Variants in NDUFB9 observed in about 807,000 individuals in gnomAD.
The protein encoded by NDUFB9 is NADH:ubiquinone oxidoreductase subunit B9.
Under a neutral mutation model 30.2 loss-of-function variants are expected in NDUFB9, and 24 were observed. That is an observed-to-expected ratio of 0.80 (90% CI 0.58 to 1.12). NDUFB9 has a LOEUF of 1.12. Among genes scored for constraint, NDUFB9 ranks in the 50% most tolerant of loss-of-function variants. The pLI is 0.00. For missense variants in NDUFB9, 204 were observed against 226.0 expected (o/e 0.90, Z 0.62); for synonymous variants, 80 against 84.0 (o/e 0.95, Z 0.26).
intron 2 of NDUFB9, 105 bp downstream of exon 2, chr8:124,543,384 AC>A (rs1277783609): frequency 8.4e-7 from 1 of 1,186,004 alleles, no homozygotes; most frequent in African/African-American, 1.5e-5. Context: ...TAGCTAGGAG[AC>A]TTATTTCCTG....
chr8:124,547,181 C>T (rs746538746), intron 3 of NDUFB9, 68 bp downstream of exon 3: 134 of 1,162,694 alleles, frequency 1.2e-4, no homozygotes, highest in Middle Eastern at 3.8e-4. Context: ...TCCCCACAAG[C>T]AGAGGTCCAG....
chr8:124,539,396 G>A (rs1207195399), intron 1 of NDUFB9, 109 bp downstream of exon 1: 3 of 973,714 alleles, frequency 3.1e-6, no homozygotes, highest in Non-Finnish European at 4.9e-6. Flanking sequence ...GGAATTGGAA[G>A]GTGGCCTCTC....
At position 124,543,188 on chromosome 8, in the gene NDUFB9, A is replaced by C. The variant is rs1822066077; in HGVS notation, c.203A>C (p.Glu68Ala). 2 of 1,614,242 alleles carry C rather than the reference A, an allele frequency of 1.2e-6. No individual in the cohort carries two copies. Among genetic ancestry groups the C allele is most frequent in the Non-Finnish European group, 1.7e-6 (2 of 1,180,018 alleles). ...GCCACCCAGCTGCTGAAGGAGGCCG[A>C]GGAAGAATTCTGGTACCGTCAGCAT... ...AKATQLLKEA[E>A]EEFWYRQHPQ... The change falls in exon 2 of 4, where the codon GAG (glutamate) becomes GCG (alanine). Residue 68 changes from glutamate to alanine, a missense_variant. Glu to Ala is a moderately radical substitution (Grantham distance 107). Transcript: ENST00000276689.
chr8:124,540,287 CAG>C (rs1821895694), intron 1 of NDUFB9, among the ~76,000 whole-genome samples: 1 of 130,698 alleles, frequency 7.7e-6, no homozygotes, highest in African/African-American at 2.9e-5. Context: ...ATTGATTTGA[CAG>C]AATTTGCAAT....
rs1821801587 is a variant in NDUFB9 at position 124,539,196 on chromosome 8, T to C, written c.10T>C (p.Leu4=). MAF[L]ASGPYLTHQQ... is the part of the protein sequence containing the mutation. Reference sequence around the variant, plus strand: ...GAAGGTCAGCGCCGTAATGGCGTTCTTGGCGTCGGGACCCTACCTGACCCA... The same window carrying C: ...GAAGGTCAGCGCCGTAATGGCGTTCCTGGCGTCGGGACCCTACCTGACCCA... Residue 4 remains leucine, a synonymous_variant, in exon 1 of 4, where the codon TTG becomes CTG. Coordinates refer to ENST00000276689, the MANE Select transcript of NDUFB9 (RefSeq NM_005005.3). The C allele has an allele frequency of 1.9e-6, 3 of 1,614,124 alleles. No homozygotes were observed. The highest frequency in any genetic ancestry group is 2.5e-6 in the Non-Finnish European group (3 of 1,180,046).
At chr8:124,539,860 T>C (rs1821863974) in intron 1 of NDUFB9, among the ~76,000 whole-genome samples, 1 of 152,220 alleles carries the variant, frequency 6.6e-6, no homozygotes, top group African/African-American at 2.4e-5. Context: ...GCTTTTCTCT[T>C]TTTAGCTTCA....
At chr8:124,545,518 T>A (rs571980600) in intron 2 of NDUFB9, among the ~76,000 whole-genome samples, 2 of 152,330 alleles carry the variant, frequency 1.3e-5, no homozygotes, top group African/African-American at 4.8e-5. Flanking sequence ...GCAGTTTTTA[T>A]CAATAACGTA....
intron 2 of NDUFB9, among the ~76,000 whole-genome samples, chr8:124,545,945 C>T (rs1822147091): frequency 1.3e-5 from 2 of 152,160 alleles, no homozygotes; most frequent in Admixed American, 1.3e-4. Flanking sequence ...CAGGTTCAAG[C>T]GATTCTCCTA....
intron 1 of NDUFB9, 70 bp from the exon 2 acceptor site, chr8:124,543,017 C>A (rs192502770): frequency 7.9e-6 from 12 of 1,524,712 alleles, no homozygotes; most frequent in Non-Finnish European, 1.0e-5. Context: ...AGTGCAGCCT[C>A]CTGTCAGACA....
At chr8:124,541,177 A>G (rs530692477) in intron 1 of NDUFB9, among the ~76,000 whole-genome samples, 78 of 152,148 alleles carry the variant, frequency 5.1e-4, no homozygotes, top group African/African-American at 1.8e-3. Flanking sequence ...AAAAAATAAT[A>G]ATAAAAAAAA....
At position 124,549,823 on chromosome 8, in the gene NDUFB9, C is replaced by T. The variant is rs1358584428; in HGVS notation, c.471C>T (p.Ala157=). 2 of 1,614,098 alleles carry T rather than the reference C, an allele frequency of 1.2e-6. No individual in the cohort carries two copies. Among genetic ancestry groups the T allele is most frequent in the South Asian group, 1.1e-5 (1 of 91,076 alleles). The stretch of plus-strand genomic sequence containing the variant: ...CTTTAACTGAAGCTTTGCCCCCTGC[C>T]CGAAAGGAAGGTGATTTGCCCCCAC... ...GGPLTEALPP[A]RKEGDLPPLW... is the part of the protein sequence containing the mutation. The change falls in exon 4 of 4, where the codon GCC becomes GCT. Residue 157 remains alanine (A), a synonymous_variant. Transcript: ENST00000276689.
intron 1 of NDUFB9, among the ~76,000 whole-genome samples, chr8:124,542,103 A>G (rs1822019196): frequency 6.6e-6 from 1 of 150,848 alleles, no homozygotes; most frequent in Admixed American, 6.6e-5. Context: ...TTTAGCTGAG[A>G]CGGGATTTCA....
At chr8:124,544,062 C>G (rs545713261) in intron 2 of NDUFB9, among the ~76,000 whole-genome samples, 72 of 152,258 alleles carry the variant, frequency 4.7e-4, no homozygotes, top group African/African-American at 1.7e-3. Flanking sequence ...AAGTGCTGCT[C>G]CACTAAACAC....
intron 3 of NDUFB9, among the ~76,000 whole-genome samples, chr8:124,548,625 C>T (rs539091179): frequency 9.9e-5 from 15 of 152,206 alleles, no homozygotes; most frequent in Non-Finnish European, 1.6e-4. Context: ...GCTGTATGAG[C>T]ACAGGCCTGA....
chr8:124,540,700 G>C (rs1821929323), intron 1 of NDUFB9, among the ~76,000 whole-genome samples: 1 of 152,090 alleles, frequency 6.6e-6, no homozygotes, highest in African/African-American at 2.4e-5. Context: ...TTTTAGATCT[G>C]ACATTCTTTC....
chr8:124,539,388 A>G, intron 1 of NDUFB9, 101 bp downstream of exon 1: 1 of 1,055,332 alleles, frequency 9.5e-7, no homozygotes, highest in Non-Finnish European at 1.5e-6. Context: ...TCGGGAACGG[A>G]ATTGGAAGGT....
At chr8:124,542,592 G>A (rs1822039842) in intron 1 of NDUFB9, among the ~76,000 whole-genome samples, 1 of 152,168 alleles carries the variant, frequency 6.6e-6, no homozygotes, top group Admixed American at 6.6e-5. Context: ...ACTTGCCTAA[G>A]TTTATGCAGC....
intron 2 of NDUFB9, among the ~76,000 whole-genome samples, chr8:124,544,255 A>G (rs1822101900): frequency 1.3e-5 from 2 of 152,214 alleles, no homozygotes; most frequent in African/African-American, 4.8e-5. Flanking sequence ...TTGGAAGCTA[A>G]TAGAGGTTGG....
At chr8:124,546,650 C>T in intron 2 of NDUFB9, 1 of 309,396 alleles carries the variant, frequency 3.2e-6, no homozygotes, top group Non-Finnish European at 6.1e-6. Flanking sequence ...TAAAGTTAAC[C>T]AACTTGGATT....
Sources: allele counts gnomAD v4.1 joint callset (sites outside exome capture counted in the v4.1 genomes callset), GRCh38; gene constraint gnomAD v4.1.1; transcripts MANE v1.5; gene names NCBI Gene and HGNC (gene_info 2026-07-23, HGNC 2026-07-21).